TMEM132D: variants seen among roughly 807,000 people sequenced by gnomAD.
The protein encoded by TMEM132D is mature OL transmembrane protein.
Under a neutral mutation model 62.3 loss-of-function variants are expected in TMEM132D, and 21 were observed. The ratio of observed to expected loss-of-function variants is 0.34; its 90% confidence interval spans 0.24 to 0.49. TMEM132D has a LOEUF of 0.49. Among genes scored for constraint, TMEM132D ranks in the 20% least tolerant of loss-of-function variants. The probability of loss-of-function intolerance (pLI) is 0.99; values close to 1 mark genes in which losing one functional copy is unlikely to be tolerated. For missense variants in TMEM132D, 1,346 were observed against 1,402.8 expected (o/e 0.96, Z 0.65); for synonymous variants, 621 against 575.6 (o/e 1.08, Z -1.13).
intron 5 of TMEM132D, among the ~76,000 whole-genome samples, chr12:129,202,223 C>T (rs1017378463): frequency 1.3e-5 from 2 of 152,168 alleles, no homozygotes; most frequent in South Asian, 2.1e-4. Context: ...CTTTAAAGGC[C>T]GACCTTCTCT....
chr12:129,377,855 C>T (rs1870827952), intron 3 of TMEM132D, among the ~76,000 whole-genome samples: 1 of 152,198 alleles, frequency 6.6e-6, no homozygotes, highest in South Asian at 2.1e-4. Flanking sequence ...TCCATGTGGA[C>T]ACCCTTAAGT....
At chr12:129,572,310 A>C (rs1877536061) in intron 2 of TMEM132D, among the ~76,000 whole-genome samples, 1 of 152,198 alleles carries the variant, frequency 6.6e-6, no homozygotes, top group Non-Finnish European at 1.5e-5. Flanking sequence ...AATTGTGTGG[A>C]GCTGGCGGGC....
At chr12:129,557,527 C>A (rs532568162) in intron 2 of TMEM132D, among the ~76,000 whole-genome samples, 3 of 152,002 alleles carry the variant, frequency 2.0e-5, no homozygotes, top group South Asian at 2.1e-4. Flanking sequence ...CTAGCCTGGG[C>A]AACACAGGGA....
At chr12:129,803,997 T>C (rs1281394888) in intron 1 of TMEM132D, among the ~76,000 whole-genome samples, 1 of 120,438 alleles carries the variant, frequency 8.3e-6, no homozygotes, top group African/African-American at 3.1e-5. Context: ...CAGGAAGAAG[T>C]TGAATCTCTG....
At chr12:129,573,427 G>T (rs961645025) in intron 2 of TMEM132D, among the ~76,000 whole-genome samples, 1 of 152,148 alleles carries the variant, frequency 6.6e-6, no homozygotes, top group Non-Finnish European at 1.5e-5. Context: ...TCAGCTTGTG[G>T]AGCATCCACC....
chr12:129,186,731 TGCCAG>T (rs775583043), intron 5 of TMEM132D, among the ~76,000 whole-genome samples: 6 of 152,186 alleles, frequency 3.9e-5, no homozygotes, highest in Non-Finnish European at 8.8e-5. Context: ...TATCCAACAG[TGCCAG>T]GATCAGAACA....
chr12:129,653,043 C>T (rs1191382998), intron 2 of TMEM132D, among the ~76,000 whole-genome samples: 3 of 152,276 alleles, frequency 2.0e-5, no homozygotes, highest in African/African-American at 4.8e-5. Flanking sequence ...CACCAGTGGA[C>T]GCATTTTAAG....
intron 1 of TMEM132D, among the ~76,000 whole-genome samples, chr12:129,823,796 G>A (rs866902780): frequency 1.2e-4 from 19 of 152,170 alleles, no homozygotes; most frequent in Non-Finnish European, 2.1e-4. Flanking sequence ...ATGTAAAATG[G>A]GAACAATACC....
At chr12:129,613,530 C>A (rs761451358) in intron 2 of TMEM132D, among the ~76,000 whole-genome samples, 1 of 152,228 alleles carries the variant, frequency 6.6e-6, no homozygotes, top group African/African-American at 2.4e-5. Flanking sequence ...TTGTTCACAT[C>A]GCTGCTTGAC....
At chr12:129,140,724 G>A (rs10047656) in intron 5 of TMEM132D, among the ~76,000 whole-genome samples, 9,159 of 151,844 alleles carry the variant, frequency 0.06, 546 homozygotes, top group East Asian at 0.27. Flanking sequence ...TTGTAATCTC[G>A]GCTACTAGGG....
Position 129,209,104 on chromosome 12 carries a change from G to A in TMEM132D, c.1443+416C>T, listed in dbSNP as rs74465231. Among the ~76,000 whole-genome samples, 30 of 152,060 alleles carry A rather than the reference G, an allele frequency of 2.0e-4. 1 individual carries two copies. The highest frequency in any genetic ancestry group is 6.3e-4 in the African/African-American group (26 of 41,402). ...CCTTATACCACCATTGATTTTACAC[G>A]AATGCTGTGTGCTATAGAATCATCC... is the stretch of plus-strand genomic sequence containing the variant. On this transcript the variant is annotated intron_variant, in intron 5 of 8. Transcript: ENST00000422113.
At chr12:129,280,530 C>T (rs1352367537) in intron 4 of TMEM132D, among the ~76,000 whole-genome samples, 3 of 152,110 alleles carry the variant, frequency 2.0e-5, no homozygotes, top group African/African-American at 7.2e-5. Flanking sequence ...TTCCTTAGGA[C>T]GTTCACTAAG....
intron 4 of TMEM132D, among the ~76,000 whole-genome samples, chr12:129,256,347 ATATAGT>A (rs1325186139): frequency 2.0e-5 from 3 of 152,246 alleles, no homozygotes; most frequent in Admixed American, 6.5e-5. Flanking sequence ...CACTTGAGTG[ATATAGT>A]TGTGTTGTCT....
chr12:129,352,461 G>C (rs1275677735), intron 3 of TMEM132D, among the ~76,000 whole-genome samples: 1 of 142,926 alleles, frequency 7.0e-6, no homozygotes. Flanking sequence ...TCTAGCATCA[G>C]AGTGAACAGG....
intron 2 of TMEM132D, among the ~76,000 whole-genome samples, chr12:129,677,456 G>A (rs1055795972): frequency 2.0e-5 from 3 of 152,184 alleles, no homozygotes; most frequent in Non-Finnish European, 1.5e-5. Flanking sequence ...AACTTTATCA[G>A]TGGCATGAGA....
chr12:129,295,193 C>A (rs767943974), intron 4 of TMEM132D, among the ~76,000 whole-genome samples: 10 of 151,344 alleles, frequency 6.6e-5, no homozygotes, highest in Non-Finnish European at 1.3e-4. Flanking sequence ...ACGACCACTA[C>A]GGAACACTGC....
intron 3 of TMEM132D, among the ~76,000 whole-genome samples, chr12:129,408,476 C>A (rs1218256084): frequency 1.3e-5 from 2 of 150,584 alleles, no homozygotes; most frequent in Non-Finnish European, 2.9e-5. Context: ...TAGGAAATGC[C>A]AATACTGATG....
intron 4 of TMEM132D, among the ~76,000 whole-genome samples, chr12:129,234,693 C>T (rs921142256): frequency 6.6e-6 from 1 of 152,158 alleles, no homozygotes; most frequent in Non-Finnish European, 1.5e-5. Context: ...ATCACAAATC[C>T]ACACAGGATG....
At position 129,084,701 on chromosome 12, in the gene TMEM132D, A is replaced by G. The variant is rs1874558389; in HGVS notation, c.1445T>C (p.Val482Ala). The change falls in exon 6 of 9, where the codon GTT becomes GCT. Residue 482 changes from valine (V) to alanine (A), a missense_variant and splice_region_variant. Physicochemically the swap from Val to Ala is moderately conservative, Grantham distance 64. Transcript: ENST00000422113. Reference sequence around the variant, plus strand: ...AAAGACGTAGTCACATCTGTCAGAAACCTGTGAAGAGGTGAGAGAGAAAAG... The same window carrying G: ...AAAGACGTAGTCACATCTGTCAGAAGCCTGTGAAGAGGTGAGAGAGAAAAG... ...CRSSDEDVIK[V>A]SDRCDYVFVN... The G allele has an allele frequency of 6.2e-7, 1 of 1,613,678 alleles. No homozygotes were observed. The highest frequency in any genetic ancestry group is 1.3e-5 in the African/African-American group (1 of 74,896).
Sources: gnomAD v4.1 joint callset for allele counts (sites outside exome capture counted in the v4.1 genomes callset) on GRCh38, gnomAD v4.1.1 for gene constraint, MANE v1.5 for transcripts, NCBI Gene and HGNC (gene_info 2026-07-23, HGNC 2026-07-21) for gene names.